NEGR1: variants seen among roughly 807,000 people sequenced by gnomAD.
NEGR1 encodes the protein neuronal growth regulator 1, also known as IgLON family member 4.
Under a neutral mutation model 40.9 loss-of-function variants are expected in NEGR1, and 10 were observed. The ratio of observed to expected loss-of-function variants is 0.24; its 90% CI spans 0.15 to 0.42. The LOEUF (loss-of-function observed/expected upper bound fraction) is 0.42. Ranked by LOEUF, NEGR1 falls within the 10% of genes least tolerant of loss-of-function variation. The probability of loss-of-function intolerance (pLI) is 1.00; values close to 1 mark genes in which losing one functional copy is unlikely to be tolerated. For synonymous variants in NEGR1, 185 were observed against 166.8 expected (o/e 1.11, Z -0.84); for missense variants, 352 against 438.9 (o/e 0.80, Z 1.77).
intron 3 of NEGR1, among the ~76,000 whole-genome samples, chr1:71,717,737 A>G (rs1654325392): frequency 6.6e-6 from 1 of 152,194 alleles, no homozygotes; most frequent in Non-Finnish European, 1.5e-5. Flanking sequence ...GAATGTAACT[A>G]TATTTGCTGG....
chr1:71,713,114 C>T (rs886487024), intron 3 of NEGR1, among the ~76,000 whole-genome samples: 1 of 152,216 alleles, frequency 6.6e-6, no homozygotes, highest in East Asian at 1.9e-4. Context: ...GGCACTTCAT[C>T]AAATTTTCTT....
At chr1:71,946,133 T>C (rs1225988891) in intron 1 of NEGR1, among the ~76,000 whole-genome samples, 1 of 152,094 alleles carries the variant, frequency 6.6e-6, no homozygotes, top group Non-Finnish European at 1.5e-5. Context: ...AATGCAGACT[T>C]GACCTCCTGG....
intron 3 of NEGR1, among the ~76,000 whole-genome samples, chr1:71,763,464 AG>A (rs1346625157): frequency 2.6e-5 from 4 of 152,220 alleles, no homozygotes; most frequent in Non-Finnish European, 5.9e-5. Context: ...CCTGTGAGTC[AG>A]TAATCATTTC....
intron 6 of NEGR1, among the ~76,000 whole-genome samples, chr1:71,565,828 C>T (rs138861223): frequency 0.015 from 2,281 of 152,206 alleles, 80 homozygotes; most frequent in Admixed American, 0.065. Context: ...TAGATTTATA[C>T]AATTCTATAA....
intron 1 of NEGR1, among the ~76,000 whole-genome samples, chr1:72,155,134 C>T (rs1651311790): frequency 6.6e-6 from 1 of 151,954 alleles, no homozygotes; most frequent in Admixed American, 6.6e-5. Context: ...TCATACATCT[C>T]AATTACGCCT....
At chr1:71,599,631 G>A (rs924387762) in intron 5 of NEGR1, among the ~76,000 whole-genome samples, 1 of 152,032 alleles carries the variant, frequency 6.6e-6, no homozygotes, top group African/African-American at 2.4e-5. Flanking sequence ...TAGCCCCAAG[G>A]GGTATCTATC....
At chr1:72,215,910 G>A (rs991512283) in intron 1 of NEGR1, among the ~76,000 whole-genome samples, 4 of 151,828 alleles carry the variant, frequency 2.6e-5, no homozygotes, top group African/African-American at 7.3e-5. Context: ...CCATGCACAC[G>A]TATGTTTATT....
chr1:71,674,595 C>CAA (rs1652551412), intron 4 of NEGR1, among the ~76,000 whole-genome samples: 1 of 151,338 alleles, frequency 6.6e-6, no homozygotes, highest in Non-Finnish European at 1.5e-5. Flanking sequence ...GGCACACACA[C>CAA]ACACACACAC....
chr1:71,552,517 G>T (rs1648120105), intron 6 of NEGR1, among the ~76,000 whole-genome samples: 1 of 147,102 alleles, frequency 6.8e-6, no homozygotes, highest in East Asian at 2.0e-4. Flanking sequence ...TATATATAGA[G>T]AATATATAGA....
intron 4 of NEGR1, among the ~76,000 whole-genome samples, chr1:71,679,596 T>C (rs1479396971): frequency 6.6e-6 from 1 of 152,114 alleles, no homozygotes; most frequent in East Asian, 1.9e-4. Context: ...CACAATATCA[T>C]CCACAATGCA....
chr1:72,004,213 C>T (rs1029736503), intron 1 of NEGR1, among the ~76,000 whole-genome samples: 7 of 151,336 alleles, frequency 4.6e-5, no homozygotes, highest in African/African-American at 1.5e-4. Flanking sequence ...CACATGCGTA[C>T]ATATATATAT....
intron 1 of NEGR1, among the ~76,000 whole-genome samples, chr1:72,015,308 A>G (rs1460610448): frequency 6.6e-6 from 1 of 152,140 alleles, no homozygotes; most frequent in East Asian, 1.9e-4. Flanking sequence ...AAAAAAGTTT[A>G]AAGTATTAGC....
intron 1 of NEGR1, among the ~76,000 whole-genome samples, chr1:71,962,983 C>G (rs145530484): frequency 2.0e-5 from 3 of 151,992 alleles, no homozygotes; most frequent in Non-Finnish European, 2.9e-5. Context: ...AATACTCACT[C>G]TTTGTTCTAA....
At chr1:72,197,281 C>T (rs1268577704) in intron 1 of NEGR1, among the ~76,000 whole-genome samples, 1 of 151,980 alleles carries the variant, frequency 6.6e-6, no homozygotes, top group Non-Finnish European at 1.5e-5. Context: ...AGTATCGGAA[C>T]ACTGCTTAGA....
At chr1:71,445,047 A>C (rs1464462016) in intron 6 of NEGR1, among the ~76,000 whole-genome samples, 1 of 152,178 alleles carries the variant, frequency 6.6e-6, no homozygotes, top group East Asian at 1.9e-4. Flanking sequence ...GCATACACAC[A>C]ATAAATAAAT....
chr1:71,626,421 C>T (rs6679512), intron 4 of NEGR1, among the ~76,000 whole-genome samples: 10,847 of 138,180 alleles, frequency 0.078, 497 homozygotes, highest in East Asian at 0.13. Context: ...TCCATGTATT[C>T]TCATTGTTCA....
intron 6 of NEGR1, among the ~76,000 whole-genome samples, chr1:71,525,120 A>AAATGAATG (rs1647200978): frequency 6.6e-6 from 1 of 151,768 alleles, no homozygotes. Flanking sequence ...TACACCTAGG[A>AAATGAATG]AATCATTCAT....
intron 3 of NEGR1, among the ~76,000 whole-genome samples, chr1:71,736,885 C>A (rs1193074907): frequency 1.3e-5 from 2 of 152,142 alleles, no homozygotes; most frequent in East Asian, 3.9e-4. Context: ...TTCTGCAATT[C>A]TATTCCAACC....
chr1:71,441,062 G>T (rs960970268), intron 6 of NEGR1, among the ~76,000 whole-genome samples: 5 of 152,146 alleles, frequency 3.3e-5, no homozygotes, highest in Admixed American at 6.5e-5. Flanking sequence ...AATGACAGAT[G>T]AATTTCAAGG....
Sources: allele counts gnomAD v4.1 joint callset (sites outside exome capture counted in the v4.1 genomes callset), GRCh38; gene constraint gnomAD v4.1.1; transcripts MANE v1.5; gene names NCBI Gene and HGNC (gene_info 2026-07-23, HGNC 2026-07-21).